The following ACSL1 variants were observed in gnomAD, a reference collection of about 807,000 sequenced individuals.
ACSL1 encodes long-chain-fatty-acid--CoA ligase 1.
ACSL1 carries 41 observed loss-of-function variants against 98.4 expected under a neutral mutation model. That is an observed-to-expected ratio of 0.42 (90% confidence interval 0.32 to 0.54). The LOEUF (loss-of-function observed/expected upper bound fraction) is 0.54. Ranked by LOEUF, ACSL1 falls within the 20% of genes least tolerant of loss-of-function variation. ACSL1 has a pLI of 0.13. For missense variants in ACSL1, 734 were observed against 883.1 expected (o/e 0.83, Z 2.14); for synonymous variants, 316 against 322.7 (o/e 0.98, Z 0.22).
At chr4:184,783,797 T>C (rs1432216187) in intron 4 of ACSL1, 130 bp downstream of exon 4, 5 of 834,308 alleles carry the variant, frequency 6.0e-6, no homozygotes, top group African/African-American at 1.7e-5. Flanking sequence ...GGATGCCCCA[T>C]GCTTACGGCA....
intron 14 of ACSL1, 40 bp from the exon 15 acceptor site, chr4:184,764,965 A>C (rs766319165): frequency 6.3e-7 from 1 of 1,588,436 alleles, no homozygotes; most frequent in African/African-American, 1.3e-5. Context: ...AGGAGAGCAC[A>C]ATCACACCTT....
chr4:184,795,180 A>C (rs1246722173), intron 2 of ACSL1, among the ~76,000 whole-genome samples: 1 of 152,260 alleles, frequency 6.6e-6, no homozygotes, highest in Non-Finnish European at 1.5e-5. Context: ...AAAGGGAGCC[A>C]CATTCCCATC....
At chr4:184,762,038 A>C (rs1327260989) in intron 17 of ACSL1, among the ~76,000 whole-genome samples, 3 of 152,078 alleles carry the variant, frequency 2.0e-5, no homozygotes, top group African/African-American at 7.2e-5. Flanking sequence ...GAGGCAGGAG[A>C]ATCACTTGAA....
In ACSL1 at chr4:184,766,747, G is replaced by C. The variant is rs755935233; in HGVS notation, c.1138C>G (p.Gln380Glu). 1 of 1,611,426 alleles carries C rather than the reference G, an allele frequency of 6.2e-7. No individual in the cohort carries two copies. The highest frequency in any genetic ancestry group is 8.5e-7 in the Non-Finnish European group (1 of 1,177,866). ...LNRMFDRIFG[Q>E]ANTTLKRWLL... ...CATCGCTTCAGCGTGGTGTTTGCTT[G>C]TCCGAAAATCTAATGAGGCAAGACA... The change falls in exon 13 of 21, where the codon CAA (glutamine) becomes GAA (glutamate). Residue 380 changes from glutamine (Q) to glutamate (E), a missense_variant. Coordinates refer to ENST00000281455, the MANE Select transcript of ACSL1 (RefSeq NM_001995.5). The surrounding 1 kb of genome is among the most constrained non-coding windows in gnomAD (Gnocchi z 4.8).
In ACSL1 at chr4:184,766,004, T is replaced by G; in HGVS notation, c.1264-18A>C. 1 of 1,611,378 alleles carries G rather than the reference T, an allele frequency of 6.2e-7. No individual in the cohort carries two copies. Among genetic ancestry groups the G allele is most frequent in the Non-Finnish European group, 8.5e-7 (1 of 1,178,734 alleles). On this transcript the variant is annotated intron_variant, in intron 13 of 20. Transcript: ENST00000281455. The surrounding 1 kb of genome is among the most constrained non-coding windows in gnomAD (Gnocchi z 4.8). ...AGGCTCGACTTTCAGGGAGGGAGAG[T>G]GGGAGAAGGTGAGGGTTACACACCT... is the stretch of plus-strand genomic sequence containing the variant.
At chr4:184,786,692 C>CTTTTTTT (rs34391801) in intron 3 of ACSL1, among the ~76,000 whole-genome samples, 4 of 123,838 alleles carry the variant, frequency 3.2e-5, no homozygotes, top group East Asian at 2.7e-4. Context: ...TAGGCACTTT[C>CTTTTTTT]TTTTTTTTTT....
intron 18 of ACSL1, 136 bp from the exon 19 acceptor site, chr4:184,758,056 C>T (rs1762353777): frequency 2.5e-6 from 2 of 789,390 alleles, no homozygotes; most frequent in Non-Finnish European, 4.0e-6. Flanking sequence ...ACATACTACC[C>T]CCCTCCCCCA....
At chr4:184,768,152 G>C in intron 12 of ACSL1, 164 bp downstream of exon 12, 1 of 676,214 alleles carries the variant, frequency 1.5e-6, no homozygotes, top group African/African-American at 1.9e-5. Context: ...GCCACTCTGA[G>C]AGGTAAACGC....
rs1452678193 is a variant in ACSL1 at position 184,757,619 on chromosome 4, C to G, written c.1956+16G>C. ...TTTGTTTTACAGGAATTCACCCACTCAGATGAAGGTCATACCTGTTCAAAT... is the reference window on the plus strand; with the variant it reads ...TTTGTTTTACAGGAATTCACCCACTGAGATGAAGGTCATACCTGTTCAAAT... On this transcript the variant is annotated intron_variant, in intron 20 of 20. Transcript: ENST00000281455. The surrounding 1 kb of genome is among the most constrained non-coding windows in gnomAD (Gnocchi z 4.5). 1 of 1,599,268 alleles carries G rather than the reference C, an allele frequency of 6.3e-7. No homozygotes were observed. Among genetic ancestry groups the G allele is most frequent in the East Asian group, 2.2e-5 (1 of 44,848 alleles).
chr4:184,817,513 T>C (rs1205452376), intron 1 of ACSL1, among the ~76,000 whole-genome samples: 1 of 152,118 alleles, frequency 6.6e-6, no homozygotes, highest in African/African-American at 2.4e-5. Context: ...AGTCCTTCCA[T>C]CTCCTGAGCA....
At chr4:184,798,550 G>A (rs192713580) in intron 2 of ACSL1, 32 of 182,748 alleles carry the variant, frequency 1.8e-4, no homozygotes, top group Non-Finnish European at 2.9e-4. Context: ...CACTTGCATG[G>A]GGCTCATCAC....
At chr4:184,806,650 C>T (rs142964109) in intron 1 of ACSL1, among the ~76,000 whole-genome samples, 1 of 151,818 alleles carries the variant, frequency 6.6e-6, no homozygotes, top group Admixed American at 6.6e-5. Context: ...CTGCTTTACA[C>T]CAAGAAAGTT....
rs193209673 is a variant in ACSL1, at chr4:184,774,462, G to A, written c.757-587C>T. ...TTGGGAGCCCCCAATTATAAAACAG[G>A]CCACAGCAGACCCTCTAAGACTCCT... On this transcript the variant is annotated intron_variant, in intron 7 of 20. Transcript: ENST00000281455. Among the ~76,000 whole-genome samples, 158 of 152,196 alleles carry A rather than the reference G, an allele frequency of 1.0e-3. 3 individuals carry two copies. Among genetic ancestry groups the A allele is most frequent in the African/African-American group, 3.4e-3 (141 of 41,532 alleles).
At chr4:184,804,134 T>C (rs1472302570) in intron 1 of ACSL1, among the ~76,000 whole-genome samples, 2 of 152,236 alleles carry the variant, frequency 1.3e-5, no homozygotes, top group African/African-American at 4.8e-5. Context: ...GTTGGCTATC[T>C]GGTAAGATGA....
chr4:184,794,622 G>T (rs571969255), intron 2 of ACSL1, among the ~76,000 whole-genome samples: 6 of 152,270 alleles, frequency 3.9e-5, no homozygotes, highest in Non-Finnish European at 5.9e-5. Context: ...GACTTGGGGG[G>T]GCTGCTTCCC....
In ACSL1 at chr4:184,773,983, C is replaced by A; in HGVS notation, c.757-108G>T. ...GGCTTTACTGTGGGGTTCATTCACA[C>A]CTGGCTCGAAAACAGCATAATTTTC... is the stretch of plus-strand genomic sequence containing the variant. On this transcript the variant is annotated intron_variant, in intron 7 of 20. Coordinates refer to ENST00000281455, the MANE Select transcript of ACSL1 (RefSeq NM_001995.5). This position sits in a 1 kb window ranked among gnomAD's most constrained non-coding sequence, Gnocchi z 4.3. 8.2e-7 allele frequency: 1 copy of A among 1,226,288 alleles called. No homozygotes were observed. Among genetic ancestry groups the A allele is most frequent in the Non-Finnish European group, 1.2e-6 (1 of 854,962 alleles). 76.0% of individuals were successfully genotyped at this position (1,226,288 alleles called of 1,614,324 possible). A position where few individuals can be genotyped will look rare whatever the true frequency, so the allele number is the denominator to read the frequency against.
In ACSL1 at chr4:184,788,594, CGCAA is replaced by C. The variant is rs747119809; in HGVS notation, c.310+19_310+22del. 6.3e-7 allele frequency: 1 copy of C among 1,585,350 alleles called. No individual in the cohort carries two copies. The highest frequency in any genetic ancestry group is 2.2e-5 in the East Asian group (1 of 44,724). ...CATGAAACACGGCGAGCGGGAGCCACGCAAATGCAGGAAAATGCTTACTTGACAC... is the reference window on the plus strand; with the variant it reads ...CATGAAACACGGCGAGCGGGAGCCACATGCAGGAAAATGCTTACTTGACAC... On this transcript the variant is annotated intron_variant, in intron 3 of 20. Coordinates refer to ENST00000281455, the MANE Select transcript of ACSL1 (RefSeq NM_001995.5).
chr4:184,771,078 T>C (rs1173273991), intron 10 of ACSL1, among the ~76,000 whole-genome samples: 1 of 152,002 alleles, frequency 6.6e-6, no homozygotes, highest in Non-Finnish European at 1.5e-5. Flanking sequence ...AAGCCGAGAT[T>C]GCACCACTGC....
At chr4:184,770,318 C>G in intron 11 of ACSL1, 81 bp downstream of exon 11, 1 of 1,578,558 alleles carries the variant, frequency 6.3e-7, no homozygotes, top group Non-Finnish European at 8.6e-7. Context: ...CACTGGCACT[C>G]AAGGGAAGTG....
Sources: allele counts gnomAD v4.1 joint callset (sites outside exome capture counted in the v4.1 genomes callset), GRCh38; gene constraint gnomAD v4.1.1; non-coding constraint Gnocchi (gnomAD v3.1); transcripts MANE v1.5; gene names NCBI Gene and HGNC (gene_info 2026-07-23, HGNC 2026-07-21).